The following SAMD12 variants were observed in gnomAD, a reference collection of about 807,000 sequenced individuals.
The protein encoded by SAMD12 is sterile alpha motif domain containing 12, also known as sterile alpha motif domain-containing protein 12.
SAMD12 carries 9 observed loss-of-function variants against 15.0 expected under a neutral mutation model. The ratio of observed to expected loss-of-function variants is 0.60; its 90% CI spans 0.36 to 1.05. The LOEUF (loss-of-function observed/expected upper bound fraction) is 1.05, where lower values mean the gene tolerates loss of function less well. Among genes scored for constraint, SAMD12 ranks in the 50% least tolerant of loss-of-function variants. The pLI is 0.01. For missense variants in SAMD12, 230 were observed against 234.2 expected (o/e 0.98, Z 0.12); for synonymous variants, 86 against 90.1 (o/e 0.96, Z 0.25).
the SAMD12 span, among the ~76,000 whole-genome samples, chr8:118,174,838 A>G: frequency 4.6e-5 from 7 of 151,976 alleles, no homozygotes; most frequent in Admixed American, 3.9e-4. Context: ...TTTCCCCTCT[A>G]TGTGTGCATG....
At chr8:118,456,680 A>C (rs1454198392) in intron 2 of SAMD12, among the ~76,000 whole-genome samples, 1 of 152,226 alleles carries the variant, frequency 6.6e-6, no homozygotes, top group African/African-American at 2.4e-5. Context: ...ATCTGTATTA[A>C]AATATAGGAA....
chr8:118,160,017 G>A, the SAMD12 span, among the ~76,000 whole-genome samples: 14 of 152,118 alleles, frequency 9.2e-5, no homozygotes, highest in African/African-American at 3.4e-4. Context: ...ACTGCGCCCG[G>A]CCCATAACAA....
the SAMD12 span, among the ~76,000 whole-genome samples, chr8:118,142,718 T>G: frequency 6.6e-6 from 1 of 152,236 alleles, no homozygotes; most frequent in African/African-American, 2.4e-5. Context: ...AGTTCTTTGA[T>G]GTCAAAAGCC....
intron 4 of SAMD12, among the ~76,000 whole-genome samples, chr8:118,217,856 C>T (rs1171663775): frequency 6.6e-6 from 1 of 152,132 alleles, no homozygotes; most frequent in Non-Finnish European, 1.5e-5. Flanking sequence ...TTCTTAGTGC[C>T]TTATTGACTC....
intron 3 of SAMD12, among the ~76,000 whole-genome samples, chr8:118,418,355 A>T (rs1205716998): frequency 6.6e-6 from 1 of 152,188 alleles, no homozygotes; most frequent in Non-Finnish European, 1.5e-5. Context: ...TACTAAAAAC[A>T]TCCAACTCAA....
At chr8:118,482,932 G>A (rs1485100765) in intron 2 of SAMD12, among the ~76,000 whole-genome samples, 2 of 152,188 alleles carry the variant, frequency 1.3e-5, no homozygotes, top group Non-Finnish European at 2.9e-5. Context: ...TATTCCCAGG[G>A]AAGCCACGAG....
At chr8:118,143,528 A>G in the SAMD12 span, among the ~76,000 whole-genome samples, 21 of 152,326 alleles carry the variant, frequency 1.4e-4, no homozygotes, top group Non-Finnish European at 2.1e-4. Context: ...GTGTAAAAGC[A>G]TGTTAGGGAG....
intron 4 of SAMD12, among the ~76,000 whole-genome samples, chr8:118,289,166 C>T (rs1293716897): frequency 1.3e-5 from 2 of 152,164 alleles, no homozygotes; most frequent in African/African-American, 4.8e-5. Context: ...TCAGCAGTTT[C>T]ATTTGGTGGA....
chr8:118,260,112 G>A (rs1813043848), intron 4 of SAMD12, among the ~76,000 whole-genome samples: 3 of 152,062 alleles, frequency 2.0e-5, no homozygotes, highest in Admixed American at 6.6e-5. Flanking sequence ...TAAACATGGT[G>A]TGGTGGTTCT....
intron 4 of SAMD12, among the ~76,000 whole-genome samples, chr8:118,300,363 T>C (rs916504428): frequency 3.9e-5 from 6 of 152,216 alleles, no homozygotes; most frequent in Non-Finnish European, 7.3e-5. Context: ...TTTTTGTTTC[T>C]GTGAAATCCA....
chr8:118,546,048 G>C (rs781658615), intron 2 of SAMD12, among the ~76,000 whole-genome samples: 2 of 152,180 alleles, frequency 1.3e-5, no homozygotes, highest in Non-Finnish European at 2.9e-5. Flanking sequence ...AAAACATTTA[G>C]AATAGTTCGT....
chr8:118,313,580 A>G (rs1198148524), intron 4 of SAMD12, among the ~76,000 whole-genome samples: 6 of 152,142 alleles, frequency 3.9e-5, no homozygotes, highest in Non-Finnish European at 8.8e-5. Flanking sequence ...AAAGCATGCT[A>G]TATTGGGACC....
At chr8:118,414,247 G>T (rs1292523447) in intron 3 of SAMD12, among the ~76,000 whole-genome samples, 1 of 152,100 alleles carries the variant, frequency 6.6e-6, no homozygotes, top group African/African-American at 2.4e-5. Flanking sequence ...CTTATGAAAG[G>T]GCATTGTATT....
intron 4 of SAMD12, among the ~76,000 whole-genome samples, chr8:118,322,799 A>G (rs1385097076): frequency 6.6e-6 from 1 of 152,188 alleles, no homozygotes; most frequent in Non-Finnish European, 1.5e-5. Context: ...GTTCACGTTT[A>G]GCTGGGTGAT....
At chr8:118,356,172 T>G (rs1435227712) in intron 4 of SAMD12, among the ~76,000 whole-genome samples, 1 of 152,220 alleles carries the variant, frequency 6.6e-6, no homozygotes, top group Non-Finnish European at 1.5e-5. Context: ...TGTGCTCCCA[T>G]TTTACTTAAA....
chr8:118,428,570 A>C (rs1472192716), intron 3 of SAMD12, among the ~76,000 whole-genome samples: 8 of 152,094 alleles, frequency 5.3e-5, no homozygotes, highest in African/African-American at 1.7e-4. Flanking sequence ...TAAAGTTTTA[A>C]ATTTAGGTCC....
chr8:118,497,598 C>T (rs1586764395), intron 2 of SAMD12, among the ~76,000 whole-genome samples: 1 of 151,470 alleles, frequency 6.6e-6, no homozygotes, highest in East Asian at 1.9e-4. Flanking sequence ...GGGAGGTTAC[C>T]TATAGGGCAC....
chr8:118,379,352 C>T lies in SAMD12; in HGVS notation c.*65G>A. The T allele has an allele frequency of 6.4e-7, 1 of 1,555,864 alleles. No homozygotes were observed. Among genetic ancestry groups the T allele is most frequent in the Non-Finnish European group, 8.7e-7 (1 of 1,154,298 alleles). On this transcript the variant is annotated 3_prime_UTR_variant, in exon 4 of 4. Coordinates refer to ENST00000314727, the MANE Select transcript of SAMD12 (RefSeq NM_207506.3). ...GCTCAGGTAATTCTGTTTGCTCATC[C>T]ATTACTTATTTGTGCATCCTTCTCC... is the stretch of plus-strand genomic sequence containing the variant.
At chr8:118,146,228 G>C in the SAMD12 span, among the ~76,000 whole-genome samples, 1 of 152,180 alleles carries the variant, frequency 6.6e-6, no homozygotes, top group East Asian at 1.9e-4. Flanking sequence ...CAAGGCAGGA[G>C]AACATGATGT....
Sources: gnomAD v4.1 joint callset for allele counts (sites outside exome capture counted in the v4.1 genomes callset) on GRCh38, gnomAD v4.1.1 for gene constraint, MANE v1.5 for transcripts, NCBI Gene and HGNC (gene_info 2026-07-23, HGNC 2026-07-21) for gene names.